The following CCDC33 variants were observed in gnomAD, a reference collection of about 807,000 sequenced individuals.
CCDC33 encodes the protein coiled-coil domain containing 33.
CCDC33 carries 94 observed loss-of-function variants against 91.9 expected under a neutral mutation model. The ratio of observed to expected loss-of-function variants is 1.02; its 90% CI spans 0.87 to 1.21. CCDC33 has a LOEUF of 1.21. Ranked by LOEUF, CCDC33 falls within the 50% of genes most tolerant of loss-of-function variation. The pLI is 0.00. For synonymous variants in CCDC33, 396 were observed against 374.5 expected, an observed-to-expected ratio of 1.06 and a Z score of -0.66; for missense variants, 940 against 935.5, an observed-to-expected ratio of 1.00 and a Z score of -0.06.
intron 11 of CCDC33, among the ~76,000 whole-genome samples, chr15:74,312,620 C>T (rs1405226122): frequency 1.3e-5 from 2 of 152,148 alleles, no homozygotes; most frequent in East Asian, 3.8e-4. Context: ...CACTTGTTGG[C>T]GCCATCTGTT....
At chr15:74,275,869 A>G (rs1219482074) in intron 7 of CCDC33, among the ~76,000 whole-genome samples, 3 of 152,152 alleles carry the variant, frequency 2.0e-5, no homozygotes, top group African/African-American at 7.2e-5. Flanking sequence ...GGGTTCAACC[A>G]TGTTAACCAG....
chr15:74,322,200 A>G (rs2060221087), intron 11 of CCDC33, among the ~76,000 whole-genome samples: 1 of 152,154 alleles, frequency 6.6e-6, no homozygotes, highest in South Asian at 2.1e-4. Flanking sequence ...ATCATTTAAA[A>G]CGATAATTTT....
intron 2 of CCDC33, among the ~76,000 whole-genome samples, chr15:74,219,221 C>A (rs1248207385): frequency 6.6e-6 from 1 of 152,206 alleles, no homozygotes; most frequent in South Asian, 2.1e-4. Context: ...TGTGTGCCCA[C>A]CCTCAAGCCC....
chr15:74,265,099 T>C (rs1482138023), intron 3 of CCDC33, among the ~76,000 whole-genome samples: 1 of 151,980 alleles, frequency 6.6e-6, no homozygotes, highest in Non-Finnish European at 1.5e-5. Flanking sequence ...GAAGAATACT[T>C]AATAAAGCCC....
intron 2 of CCDC33, among the ~76,000 whole-genome samples, chr15:74,255,197 C>T (rs2075824807): frequency 6.6e-6 from 1 of 152,120 alleles, no homozygotes; most frequent in South Asian, 2.1e-4. Flanking sequence ...CTCAGCCTTC[C>T]TCATTGATCT....
At chr15:74,252,755 G>A (rs907866711) in intron 2 of CCDC33, among the ~76,000 whole-genome samples, 21 of 152,214 alleles carry the variant, frequency 1.4e-4, no homozygotes, top group African/African-American at 5.1e-4. Context: ...GGCCTGGGGT[G>A]AGGCCTGGGA....
intron 3 of CCDC33, among the ~76,000 whole-genome samples, chr15:74,266,139 T>C (rs948994638): frequency 3.9e-5 from 6 of 152,250 alleles, no homozygotes; most frequent in African/African-American, 1.4e-4. Flanking sequence ...TTCCCTTACT[T>C]GTAGTAGACT....
At chr15:74,237,682 G>A (rs895417522) in intron 1 of CCDC33, among the ~76,000 whole-genome samples, 10 of 151,656 alleles carry the variant, frequency 6.6e-5, no homozygotes, top group African/African-American at 1.7e-4. Context: ...ACTCAGAACC[G>A]GTCACCAGGT....
At position 74,316,560 on chromosome 15, in the gene CCDC33, G is replaced by A. The variant is rs999183995; in HGVS notation, c.1291-13629G>A. Among the ~76,000 whole-genome samples the A allele has an allele frequency of 6.6e-6, 1 of 152,156 alleles. No homozygotes were observed. The highest frequency in any genetic ancestry group is 1.9e-4 in the East Asian group (1 of 5,194). ...GAGGCTTCTTGCCCCAGGATCTTGGGGATAGCAGGGGGCACACACCCATTT... is the reference window on the plus strand; with the variant it reads ...GAGGCTTCTTGCCCCAGGATCTTGGAGATAGCAGGGGGCACACACCCATTT... On this transcript the variant is annotated intron_variant, in intron 11 of 18. Coordinates refer to ENST00000398814, the MANE Select transcript of CCDC33 (RefSeq NM_025055.5). This position sits in a 1 kb window ranked among gnomAD's most constrained non-coding sequence, Gnocchi z 4.7.
intron 16 of CCDC33, chr15:74,333,443 G>C: frequency 1.3e-6 from 1 of 779,726 alleles, no homozygotes; most frequent in Non-Finnish European, 2.1e-6. Flanking sequence ...TATTGGGCAG[G>C]GCAGGGGCAC....
intron 11 of CCDC33, among the ~76,000 whole-genome samples, chr15:74,313,992 C>T (rs892283255): frequency 1.3e-5 from 2 of 152,210 alleles, no homozygotes; most frequent in Admixed American, 6.5e-5. Context: ...TGCACTCCCA[C>T]GGTGTTCCAG....
intron 10 of CCDC33, among the ~76,000 whole-genome samples, chr15:74,283,924 C>T (rs1310625777): frequency 6.6e-6 from 1 of 152,166 alleles, no homozygotes; most frequent in African/African-American, 2.4e-5. Flanking sequence ...ACACTCTTAA[C>T]ACATATGTAC....
intron 7 of CCDC33, among the ~76,000 whole-genome samples, chr15:74,279,527 T>G (rs141119841): frequency 2.6e-4 from 40 of 152,280 alleles, no homozygotes; most frequent in Non-Finnish European, 5.3e-4. Context: ...TTTGTTTATT[T>G]ATTTATTTAT....
rs770659562 is a variant in CCDC33, at chr15:74,218,722, G to A, written c.536G>A (p.Arg179Gln). The change falls in exon 2 of 3, where the codon CGA (arginine) becomes CAA (glutamine). Residue 179 changes from arginine to glutamine, a missense_variant. By Grantham distance (43) the Arg-to-Gln change is conservative (BLOSUM62 1). Transcript: ENST00000635913. This position sits in a 1 kb window ranked among gnomAD's most constrained non-coding sequence, Gnocchi z 4.8. The stretch of plus-strand genomic sequence containing the variant: ...CGGGCTAGCACGGACCCCACAGCCC[G>A]ACACTGTGGGAGCCTGGCCTACAGT... The A allele has an allele frequency of 1.8e-4, 233 of 1,289,818 alleles. No homozygotes were observed. Among genetic ancestry groups the A allele is most frequent in the Non-Finnish European group, 2.2e-4 (222 of 988,876 alleles). 79.9% of individuals were successfully genotyped at this position (1,289,818 alleles called of 1,614,324 possible).
At position 74,330,257 on chromosome 15, in the gene CCDC33, C is replaced by A; in HGVS notation, c.1359C>A (p.Ala453=). The A allele has an allele frequency of 6.2e-7, 1 of 1,613,070 alleles. No homozygotes were observed. The highest frequency in any genetic ancestry group is 1.3e-5 in the African/African-American group (1 of 74,966). ...ACATCCTGTCTCTGCGGAGACAGGC[C>A]AGCATCCTGGAAGGAGAGAACCGCA... ...AEDILSLRRQ[A]SILEGENRIL... The change falls in exon 12 of 19, where the codon GCC becomes GCA. Residue 453 remains alanine (A), a synonymous_variant. Transcript: ENST00000398814.
At chr15:74,327,680 G>A (rs1014620885) in intron 11 of CCDC33, among the ~76,000 whole-genome samples, 5 of 152,070 alleles carry the variant, frequency 3.3e-5, no homozygotes, top group African/African-American at 1.2e-4. Context: ...CCCCAAAACA[G>A]CTGAGTTGGA....
At chr15:74,229,359 G>A (rs1298133557) in intron 2 of CCDC33, among the ~76,000 whole-genome samples, 2 of 152,164 alleles carry the variant, frequency 1.3e-5, no homozygotes, top group East Asian at 3.9e-4. Context: ...CAGGCGTAAT[G>A]GCAGGCACCT....
At chr15:74,275,078 C>T (rs1566990115) in intron 7 of CCDC33, among the ~76,000 whole-genome samples, 2 of 151,902 alleles carry the variant, frequency 1.3e-5, no homozygotes, top group African/African-American at 4.8e-5. Context: ...TCCCTTTGAG[C>T]GTCAGTCCCC....
chr15:74,323,855 G>C (rs942990185), intron 11 of CCDC33, among the ~76,000 whole-genome samples: 35 of 150,152 alleles, frequency 2.3e-4, no homozygotes, highest in Admixed American at 1.1e-3. Context: ...ACTTTGGGAG[G>C]CCAAGGTGGG....
Sources: allele counts gnomAD v4.1 joint callset (sites outside exome capture counted in the v4.1 genomes callset), GRCh38; gene constraint gnomAD v4.1.1; non-coding constraint Gnocchi (gnomAD v3.1); transcripts MANE v1.5; gene names NCBI Gene and HGNC (gene_info 2026-07-23, HGNC 2026-07-21).